GALNT17: variants seen among roughly 807,000 people sequenced by gnomAD.
The protein encoded by GALNT17 is polypeptide N-acetylgalactosaminyltransferase 17, also known as UDP-GalNAc:polypeptide N-acetylgalactosaminyltransferase-like 3.
Under a neutral mutation model 63.7 loss-of-function variants are expected in GALNT17, and 29 were observed. That is an observed-to-expected ratio of 0.46 (90% CI 0.34 to 0.62). The LOEUF is 0.62. Among genes scored for constraint, GALNT17 ranks in the 20% least tolerant of loss-of-function variants. The pLI, the probability that GALNT17 is intolerant of heterozygous loss-of-function variation, is 0.01. For missense variants in GALNT17, 603 were observed against 799.6 expected (o/e 0.75, Z 2.97); for synonymous variants, 305 against 318.3 (o/e 0.96, Z 0.45).
At chr7:71,558,433 A>C (rs1789200410) in intron 5 of GALNT17, among the ~76,000 whole-genome samples, 1 of 152,084 alleles carries the variant, frequency 6.6e-6, no homozygotes, top group African/African-American at 2.4e-5. Flanking sequence ...TCATCAAATC[A>C]GTTATAAGTG....
intron 6 of GALNT17, among the ~76,000 whole-genome samples, chr7:71,651,479 T>C (rs1223361978): frequency 3.9e-5 from 6 of 152,114 alleles, no homozygotes; most frequent in African/African-American, 7.2e-5. Context: ...ATTTTTTGTA[T>C]TTTTAGTAGA....
chr7:71,232,540 C>T (rs1390011388), intron 1 of GALNT17, among the ~76,000 whole-genome samples: 1 of 151,990 alleles, frequency 6.6e-6, no homozygotes, highest in East Asian at 1.9e-4. Flanking sequence ...GGCAGGTGAG[C>T]CCTAAAATTG....
intron 1 of GALNT17, among the ~76,000 whole-genome samples, chr7:71,229,366 G>A (rs1000710738): frequency 6.6e-6 from 1 of 152,192 alleles, no homozygotes; most frequent in Non-Finnish European, 1.5e-5. Context: ...TGGCCTGAGT[G>A]GCTTTAGCGG....
intron 5 of GALNT17, among the ~76,000 whole-genome samples, chr7:71,440,129 C>T (rs116730364): frequency 0.14 from 21,664 of 151,584 alleles, 1,635 homozygotes; most frequent in Middle Eastern, 0.22. Context: ...AGGATTTCAC[C>T]ATGTTGGCCA....
intron 10 of GALNT17, 123 bp downstream of exon 10, chr7:71,711,051 C>A: frequency 7.5e-7 from 1 of 1,340,240 alleles, no homozygotes; most frequent in Non-Finnish European, 1.0e-6. Flanking sequence ...GGTCTCCCTG[C>A]CCCGGGCTGG....
intron 1 of GALNT17, among the ~76,000 whole-genome samples, chr7:71,153,851 TA>T (rs1395315571): frequency 6.6e-6 from 1 of 151,856 alleles, no homozygotes; most frequent in Non-Finnish European, 1.5e-5. Context: ...GAACTTGCAG[TA>T]AACCAAGATG....
chr7:71,494,981 A>C (rs1445978607), intron 5 of GALNT17, among the ~76,000 whole-genome samples: 2 of 152,142 alleles, frequency 1.3e-5, no homozygotes, highest in East Asian at 1.9e-4. Context: ...AATCAAGGTG[A>C]GATTTGGGGC....
At chr7:71,245,588 C>T (rs1583793906) in intron 1 of GALNT17, among the ~76,000 whole-genome samples, 1 of 152,286 alleles carries the variant, frequency 6.6e-6, no homozygotes, top group South Asian at 2.1e-4. Context: ...GTATGTGCAA[C>T]CTCTAGTTCT....
chr7:71,711,374 A>G (rs1365727234), intron 10 of GALNT17, among the ~76,000 whole-genome samples: 1 of 143,652 alleles, frequency 7.0e-6, no homozygotes, highest in African/African-American at 2.6e-5. Flanking sequence ...CAGAGTCCCC[A>G]GAGGAGGTCC....
chr7:71,486,027 G>A (rs1787902349), intron 5 of GALNT17, among the ~76,000 whole-genome samples: 2 of 152,050 alleles, frequency 1.3e-5, no homozygotes, highest in Admixed American at 6.6e-5. Context: ...GACTTAATGG[G>A]CATTTAATAT....
At chr7:71,364,150 A>C (rs1792458259) in intron 2 of GALNT17, among the ~76,000 whole-genome samples, 1 of 151,792 alleles carries the variant, frequency 6.6e-6, no homozygotes, top group Admixed American at 6.6e-5. Flanking sequence ...TTTATCCCTC[A>C]CCTCCCCTCC....
intron 5 of GALNT17, among the ~76,000 whole-genome samples, chr7:71,509,231 TC>T (rs1439607339): frequency 6.6e-6 from 1 of 152,224 alleles, no homozygotes. Context: ...TAGATGATTT[TC>T]CCCGACAGCC....
At chr7:71,690,865 G>A (rs970048003) in intron 9 of GALNT17, among the ~76,000 whole-genome samples, 1 of 152,182 alleles carries the variant, frequency 6.6e-6, no homozygotes, top group Non-Finnish European at 1.5e-5. Flanking sequence ...CATGAACAAA[G>A]AGTTGTTTCT....
At chr7:71,372,220 AG>A (rs1792637307) in intron 2 of GALNT17, among the ~76,000 whole-genome samples, 2 of 152,156 alleles carry the variant, frequency 1.3e-5, no homozygotes, top group Admixed American at 6.5e-5. Flanking sequence ...GCCCGAGTGC[AG>A]TGGCACAATC....
At chr7:71,684,203 T>G (rs929281273) in intron 9 of GALNT17, among the ~76,000 whole-genome samples, 3 of 152,080 alleles carry the variant, frequency 2.0e-5, no homozygotes, top group African/African-American at 7.2e-5. Context: ...ACCAGAACAC[T>G]TTGGCTACCC....
At chr7:71,659,210 G>A (rs1056079742) in intron 6 of GALNT17, among the ~76,000 whole-genome samples, 1 of 152,084 alleles carries the variant, frequency 6.6e-6, no homozygotes, top group Non-Finnish European at 1.5e-5. Context: ...CATTTTCTAC[G>A]TTCCAGCCAC....
At chr7:71,210,401 T>C (rs1361028467) in intron 1 of GALNT17, among the ~76,000 whole-genome samples, 1 of 152,156 alleles carries the variant, frequency 6.6e-6, no homozygotes, top group Non-Finnish European at 1.5e-5. Flanking sequence ...CCTCCCAAAG[T>C]GCCAGGATTA....
At chr7:71,406,757 G>A (rs1163934921) in intron 3 of GALNT17, among the ~76,000 whole-genome samples, 3 of 143,576 alleles carry the variant, frequency 2.1e-5, no homozygotes, top group Admixed American at 1.4e-4. Flanking sequence ...TTTTGAGATC[G>A]CATCTTACTC....
intron 1 of GALNT17, among the ~76,000 whole-genome samples, chr7:71,305,126 T>C (rs1218930934): frequency 6.6e-6 from 1 of 152,256 alleles, no homozygotes; most frequent in Non-Finnish European, 1.5e-5. Flanking sequence ...CAATTACAGA[T>C]ATAGTTATGG....
Sources: gnomAD v4.1 joint callset for allele counts (sites outside exome capture counted in the v4.1 genomes callset) on GRCh38, gnomAD v4.1.1 for gene constraint, MANE v1.5 for transcripts, NCBI Gene and HGNC (gene_info 2026-07-23, HGNC 2026-07-21) for gene names.